Variants in RPS6KA2 observed in about 807,000 individuals in gnomAD.
RPS6KA2 encodes the protein ribosomal protein S6 kinase alpha-2.
A neutral mutation model predicts 91.8 loss-of-function variants in RPS6KA2; 42 were observed. The ratio of observed to expected loss-of-function variants is 0.46; its 90% confidence interval spans 0.36 to 0.59. The LOEUF is 0.59. Ranked by LOEUF, RPS6KA2 falls within the 20% of genes least tolerant of loss-of-function variation. RPS6KA2 has a pLI of 0.00. For missense variants in RPS6KA2, 798 were observed against 978.5 expected (o/e 0.82, Z 2.46); for synonymous variants, 414 against 393.6 (o/e 1.05, Z -0.61).
Position 166,665,137 on chromosome 6 carries a change from AG to A in RPS6KA2, c.124-126354del, listed in dbSNP as rs1299391493. On this transcript the variant is annotated intron_variant, in intron 2 of 21. Coordinates refer to the RPS6KA2 transcript ENST00000503859. This position sits in a 1 kb window ranked among gnomAD's most constrained non-coding sequence, Gnocchi z 4.5. Reference sequence around the variant, plus strand: ...TGTAGCCTTCAGTCTCATAGCTGTCAGGGTGTTCAAGTTCTGCCTTCCATAC... The same window carrying A: ...TGTAGCCTTCAGTCTCATAGCTGTCAGGTGTTCAAGTTCTGCCTTCCATAC... Among the ~76,000 whole-genome samples the A allele has an allele frequency of 6.6e-6, 1 of 152,036 alleles. No individual in the cohort carries two copies. The highest frequency in any genetic ancestry group is 1.5e-5 in the Non-Finnish European group (1 of 68,010).
rs1217594262 is a variant in RPS6KA2, at chr6:166,588,401, T to G, written c.99+38520A>C. Among the ~76,000 whole-genome samples, 4 of 152,150 alleles carry G rather than the reference T, an allele frequency of 2.6e-5. No homozygotes were observed. In the East Asian group the frequency reaches 7.7e-4, roughly 29 times the overall value. ...AAAATGAGGGGTGGCTGAACTGGAT[T>G]CCACAGGCCCTAGCCACACAGAGCA... On this transcript the variant is annotated intron_variant, in intron 1 of 20. Coordinates refer to ENST00000265678, the MANE Select transcript of RPS6KA2 (RefSeq NM_021135.6).
At chr6:166,793,580 A>C in intron 2 of RPS6KA2, among the ~76,000 whole-genome samples, 1 of 149,606 alleles carries the variant, frequency 6.7e-6, no homozygotes, top group Non-Finnish European at 1.5e-5. Flanking sequence ...AGCTGGAGGC[A>C]TCACGTTACC....
chr6:166,699,967 C>T (rs1276674553), intron 2 of RPS6KA2, among the ~76,000 whole-genome samples: 1 of 152,216 alleles, frequency 6.6e-6, no homozygotes, highest in East Asian at 1.9e-4. Context: ...CACTGTCACA[C>T]CATCTATGAC....
At chr6:166,777,169 A>T (rs1778643663) in intron 2 of RPS6KA2, among the ~76,000 whole-genome samples, 1 of 152,214 alleles carries the variant, frequency 6.6e-6, no homozygotes, top group South Asian at 2.1e-4. Flanking sequence ...CCTGGACGAA[A>T]GCCCCGACCA....
At chr6:166,579,412 AG>A (rs1784938482) in intron 1 of RPS6KA2, among the ~76,000 whole-genome samples, 1 of 152,092 alleles carries the variant, frequency 6.6e-6, no homozygotes, top group Non-Finnish European at 1.5e-5. Flanking sequence ...CTGGGGAGGA[AG>A]AAATGTATGC....
intron 11 of RPS6KA2, among the ~76,000 whole-genome samples, chr6:166,464,511 G>T (rs1780447229): frequency 6.6e-6 from 1 of 152,210 alleles, no homozygotes; most frequent in African/African-American, 2.4e-5. Flanking sequence ...CCTCCCTGGT[G>T]ACTGTGTGTC....
At chr6:166,669,543 G>A (rs1287902373) in intron 2 of RPS6KA2, among the ~76,000 whole-genome samples, 1 of 152,112 alleles carries the variant, frequency 6.6e-6, no homozygotes, top group African/African-American at 2.4e-5. Flanking sequence ...AGTCTCCCTT[G>A]AGTGCTGGAA....
chr6:166,655,667 T>C (rs550117757), intron 2 of RPS6KA2, among the ~76,000 whole-genome samples: 4 of 152,342 alleles, frequency 2.6e-5, no homozygotes, highest in Non-Finnish European at 4.4e-5. Flanking sequence ...GATGCATATG[T>C]CTTTCTTGTT....
At chr6:166,520,916 T>G (rs973866791) in intron 3 of RPS6KA2, among the ~76,000 whole-genome samples, 12 of 152,198 alleles carry the variant, frequency 7.9e-5, no homozygotes, top group Non-Finnish European at 1.6e-4. Flanking sequence ...CCCACCCATG[T>G]CAGGCCAGGC....
At chr6:166,794,828 G>A (rs1449696807) in intron 2 of RPS6KA2, among the ~76,000 whole-genome samples, 1 of 142,488 alleles carries the variant, frequency 7.0e-6, no homozygotes, top group African/African-American at 2.6e-5. Flanking sequence ...ACACAGGAAG[G>A]GGAACATCAC....
intron 1 of RPS6KA2, among the ~76,000 whole-genome samples, chr6:166,601,907 T>G (rs988399682): frequency 1.3e-5 from 2 of 152,254 alleles, no homozygotes; most frequent in African/African-American, 2.4e-5. Context: ...CATAAAAATT[T>G]AAAACTTCTG....
chr6:166,416,662 A>G (rs1460243740), intron 19 of RPS6KA2, among the ~76,000 whole-genome samples: 1 of 117,316 alleles, frequency 8.5e-6, no homozygotes, highest in African/African-American at 2.6e-5. Context: ...TACCTCCACC[A>G]TCAGCTCCAT....
chr6:166,753,986 A>G (rs1272574123), intron 2 of RPS6KA2, among the ~76,000 whole-genome samples: 1 of 152,110 alleles, frequency 6.6e-6, no homozygotes, highest in Non-Finnish European at 1.5e-5. Context: ...TTGATCTGTA[A>G]TGCTCTCCTG....
intron 2 of RPS6KA2, among the ~76,000 whole-genome samples, chr6:166,760,956 G>A (rs886074294): frequency 2.0e-5 from 3 of 152,248 alleles, no homozygotes; most frequent in African/African-American, 7.2e-5. Context: ...GTGGTCATGT[G>A]AGAGCTAGTG....
chr6:166,507,604 G>C (rs1286154451), intron 5 of RPS6KA2, among the ~76,000 whole-genome samples: 2 of 144,654 alleles, frequency 1.4e-5, no homozygotes, highest in Non-Finnish European at 3.0e-5. Context: ...ATGCACACAT[G>C]CACAAAGCAC....
At chr6:166,752,785 A>G (rs2128599606) in intron 2 of RPS6KA2, among the ~76,000 whole-genome samples, 1 of 152,198 alleles carries the variant, frequency 6.6e-6, no homozygotes, top group East Asian at 1.9e-4. Context: ...GACTCTCCCC[A>G]TAGTTTTGTG....
intron 2 of RPS6KA2, among the ~76,000 whole-genome samples, chr6:166,713,998 T>A (rs1451040350): frequency 6.6e-6 from 1 of 152,190 alleles, no homozygotes; most frequent in Non-Finnish European, 1.5e-5. Context: ...GCCTCCCTGA[T>A]CCCGCCTTTC....
At chr6:166,628,293 G>C (rs548324033), upstream of RPS6KA2, among the ~76,000 whole-genome samples, 2 of 152,300 alleles carry the variant, frequency 1.3e-5, no homozygotes, top group South Asian at 4.1e-4. Context: ...AGCCTGCTCT[G>C]TTTTCCTCTT....
At chr6:166,484,910 TGAAGTACTGTCAC>T (rs1781352913) in intron 10 of RPS6KA2, among the ~76,000 whole-genome samples, 1 of 152,270 alleles carries the variant, frequency 6.6e-6, no homozygotes, top group Admixed American at 6.5e-5. Flanking sequence ...TGACCTGCTT[TGAAGTACTGTCAC>T]GAGAATTCAA....
Sources: gnomAD v4.1 joint callset for allele counts (sites outside exome capture counted in the v4.1 genomes callset) on GRCh38, gnomAD v4.1.1 for gene constraint, Gnocchi (gnomAD v3.1) non-coding constraint, MANE v1.5 for transcripts, NCBI Gene and HGNC (gene_info 2026-07-23, HGNC 2026-07-21) for gene names.